NOS2: variants seen among roughly 807,000 people sequenced by gnomAD.
NOS2 encodes the protein nitric oxide synthase, inducible.
A neutral mutation model predicts 136.0 loss-of-function variants in NOS2; 96 were observed. The observed-to-expected ratio is 0.71, with a 90% CI of 0.60 to 0.84. The LOEUF is 0.84. Among genes scored for constraint, NOS2 ranks in the 40% least tolerant of loss-of-function variants. The probability of loss-of-function intolerance (pLI) is 0.00; values close to 1 mark genes in which losing one functional copy is unlikely to be tolerated. For synonymous variants in NOS2, 539 were observed against 587.5 expected (o/e 0.92, Z 1.20); for missense variants, 1,237 against 1,496.9 (o/e 0.83, Z 2.87).
intron 5 of NOS2, among the ~76,000 whole-genome samples, chr17:27,785,324 TCCCTGGA>T (rs1383505650): frequency 6.6e-6 from 1 of 151,898 alleles, no homozygotes; most frequent in Non-Finnish European, 1.5e-5. Context: ...TCCAGGAAAA[TCCCTGGA>T]CCCCGAAAGG....
At chr17:27,767,212 G>A (rs899023324) in intron 18 of NOS2, among the ~76,000 whole-genome samples, 7 of 152,304 alleles carry the variant, frequency 4.6e-5, no homozygotes, top group Non-Finnish European at 1.0e-4. Flanking sequence ...CAGGGCACAG[G>A]GCACAGCACC....
chr17:27,797,040 T>G (rs969082163), intron 2 of NOS2, among the ~76,000 whole-genome samples: 1 of 152,184 alleles, frequency 6.6e-6, no homozygotes, highest in Admixed American at 6.5e-5. Context: ...ATTCAAGCCC[T>G]TGTGCTCTGG....
intron 3 of NOS2, among the ~76,000 whole-genome samples, 159 bp from the exon 4 acceptor site, chr17:27,789,090 C>T (rs1026011909): frequency 2.6e-5 from 4 of 152,206 alleles, no homozygotes; most frequent in Admixed American, 2.0e-4. Flanking sequence ...TGGGCCAGTG[C>T]CTGCTAAGAG....
chr17:27,759,126 C>T, intron 25 of NOS2, 51 bp from the exon 26 acceptor site: 1 of 1,385,654 alleles, frequency 7.2e-7, no homozygotes, highest in Non-Finnish European at 9.6e-7. Flanking sequence ...CAGGACAAGG[C>T]TTGCAGGCAG....
intron 2 of NOS2, among the ~76,000 whole-genome samples, chr17:27,791,798 A>ATATATATATATATATATAT (rs1567643098): frequency 6.6e-6 from 1 of 150,678 alleles, no homozygotes; most frequent in African/African-American, 2.4e-5. Context: ...AAAACAAAAC[A>ATATATATATATATATATAT]AAACAAAAAT....
rs147230391 is a variant in NOS2 at position 27,787,440 on chromosome 17, C to T, written c.467+238G>A. Among the ~76,000 whole-genome samples, 14 of 152,286 alleles carry T rather than the reference C, an allele frequency of 9.2e-5. No individual in the cohort carries two copies. The East Asian group carries it at 2.3e-3, about 25-fold the overall frequency. Reference sequence around the variant, plus strand: ...CAGACACAATGCGGGAGCCAGGGTTCGAATTCAGTCACTTTTAACTGGTAT... The same window carrying T: ...CAGACACAATGCGGGAGCCAGGGTTTGAATTCAGTCACTTTTAACTGGTAT... On this transcript the variant is annotated intron_variant, in intron 5 of 26. Transcript: ENST00000313735.
At position 27,762,892 on chromosome 17, in the gene NOS2, A is replaced by G. The variant is rs1908178113; in HGVS notation, c.2706T>C (p.Ile902=). ...SAGFLLSQLP[I]LKPRFYSISS... is the part of the protein sequence containing the mutation. The stretch of plus-strand genomic sequence containing the variant: ...TGATGGAGTAGAACCTGGGCTTCAG[A>G]ATGGGGAGCTGGGAAAGCAGGAAGC... The change falls in exon 22 of 27, where the codon ATT becomes ATC. Residue 902 remains isoleucine, a synonymous_variant. Transcript: ENST00000313735. 1 of 1,597,854 alleles carries G rather than the reference A, an allele frequency of 6.3e-7. No individual in the cohort carries two copies. Among genetic ancestry groups the G allele is most frequent in the Non-Finnish European group, 8.5e-7 (1 of 1,173,104 alleles).
At chr17:27,768,893 C>A in intron 17 of NOS2, 84 bp downstream of exon 17, 1 of 1,405,418 alleles carries the variant, frequency 7.1e-7, no homozygotes, top group South Asian at 1.5e-5. Context: ...GGTCATGCCA[C>A]CTGGGACGCC....
At chr17:27,796,793 G>A (rs1018715455) in intron 2 of NOS2, among the ~76,000 whole-genome samples, 3 of 151,936 alleles carry the variant, frequency 2.0e-5, no homozygotes, top group Non-Finnish European at 4.4e-5. Context: ...ATGAAGAGAA[G>A]GAAGGGGCGA....
rs1467313170 is a variant in NOS2 at position 27,760,998 on chromosome 17, C to G, written c.2888+146G>C. On this transcript the variant is annotated intron_variant, in intron 23 of 26. Coordinates refer to ENST00000313735, the MANE Select transcript of NOS2 (RefSeq NM_000625.4). Reference sequence around the variant, plus strand: ...CCACCTGTCATCGCTGTCCCTGCTACAGGCAGCCACACCAGTGTGACCCCA... The same window carrying G: ...CCACCTGTCATCGCTGTCCCTGCTAGAGGCAGCCACACCAGTGTGACCCCA... 4 of 853,418 alleles carry G rather than the reference C, an allele frequency of 4.7e-6. No homozygotes were observed. In the African/African-American group the frequency reaches 6.9e-5, roughly 15 times the overall value. The allele number at this position is 853,418 out of a possible 1,614,324, so 52.9% of individuals were successfully genotyped here.
chr17:27,781,011 C>T lies in NOS2; in HGVS notation c.864+25G>A, dbSNP rs762346645. On this transcript the variant is annotated intron_variant, in intron 8 of 26. Transcript: ENST00000313735. ...CCACGGGGCTCCCCGCCCCAATGGC[C>T]GGTGGCTGAGGCTGGGCCGGGTACC... The T allele has an allele frequency of 3.0e-5, 49 of 1,608,688 alleles. 1 individual carries two copies. The highest frequency in any genetic ancestry group is 3.3e-4 in the Middle Eastern group (2 of 6,066).
At chr17:27,769,802 C>T (rs1334778417) in intron 15 of NOS2, among the ~76,000 whole-genome samples, 2 of 152,226 alleles carry the variant, frequency 1.3e-5, no homozygotes, top group Admixed American at 6.5e-5. Flanking sequence ...CTTGTGTAGG[C>T]CCTGCCTCTT....
At chr17:27,789,870 C>G (rs2072324) in intron 2 of NOS2, among the ~76,000 whole-genome samples, 182 bp from the exon 3 acceptor site, 1 of 152,106 alleles carries the variant, frequency 6.6e-6, no homozygotes, top group Non-Finnish European at 1.5e-5. Context: ...TTCCTCTTAT[C>G]TTCTTCCTCC....
At chr17:27,774,870 G>T (rs1454665320) in intron 11 of NOS2, among the ~76,000 whole-genome samples, 7 of 152,212 alleles carry the variant, frequency 4.6e-5, no homozygotes, top group Admixed American at 4.6e-4. Flanking sequence ...ACTTCCATGG[G>T]GTTGTAGCCT....
intron 2 of NOS2, among the ~76,000 whole-genome samples, chr17:27,798,491 C>G (rs552517262): frequency 1.3e-5 from 2 of 152,222 alleles, no homozygotes; most frequent in South Asian, 4.1e-4. Context: ...CGCACCATGT[C>G]CCTTCCTTCT....
chr17:27,774,059 A>G (rs575927168), intron 12 of NOS2, among the ~76,000 whole-genome samples, 198 bp downstream of exon 12: 7 of 152,312 alleles, frequency 4.6e-5, no homozygotes, highest in Admixed American at 4.6e-4. Flanking sequence ...GTGCAGTGGA[A>G]GCCACTTCCT....
intron 2 of NOS2, 118 bp downstream of exon 2, chr17:27,798,582 A>G: frequency 1.4e-6 from 1 of 691,736 alleles, no homozygotes; most frequent in Non-Finnish European, 2.6e-6. Flanking sequence ...AGAAGCAATG[A>G]GGAGATCAGA....
chr17:27,785,640 G>T (rs775707016), intron 5 of NOS2, among the ~76,000 whole-genome samples: 2 of 152,064 alleles, frequency 1.3e-5, no homozygotes, highest in African/African-American at 2.4e-5. Context: ...GTCCCTCCCA[G>T]CTCAGACATT....
At chr17:27,768,282 C>G (rs1446359399) in intron 17 of NOS2, among the ~76,000 whole-genome samples, 1 of 152,188 alleles carries the variant, frequency 6.6e-6, no homozygotes, top group African/African-American at 2.4e-5. Flanking sequence ...AGCTCCTGGG[C>G]TCAAGCAATC....
Sources: gnomAD v4.1 joint callset for allele counts (sites outside exome capture counted in the v4.1 genomes callset) on GRCh38, gnomAD v4.1.1 for gene constraint, MANE v1.5 for transcripts, NCBI Gene and HGNC (gene_info 2026-07-23, HGNC 2026-07-21) for gene names.